The following PDPK1 variants were observed in gnomAD, a reference collection of about 807,000 sequenced individuals.
The protein encoded by PDPK1 is 3-phosphoinositide-dependent protein kinase 1.
A neutral mutation model predicts 39.8 loss-of-function variants in PDPK1; 7 were observed. The observed-to-expected ratio is 0.18, with a 90% CI of 0.10 to 0.33. The LOEUF (loss-of-function observed/expected upper bound fraction) is 0.33, where lower values mean the gene tolerates loss of function less well. PDPK1 is among the 10% of genes least tolerant of loss of function. The pLI is 1.00. For missense variants in PDPK1, 182 were observed against 384.7 expected (o/e 0.47, Z 4.41); for synonymous variants, 118 against 159.1 (o/e 0.74, Z 1.95).
chr16:2,601,642 G>GA lies in PDPK1; in HGVS notation c.*3882dup, dbSNP rs1263373800. The stretch of plus-strand genomic sequence containing the variant: ...ATCAGTAGCAGAGCAAAGCCTCTTT[G>GA]AAAAAAACCACGTAGCTGATTGGGT... On this transcript the variant is annotated 3_prime_UTR_variant, in exon 14 of 14. Transcript: ENST00000342085. The GA allele has an allele frequency of 3.0e-5, 7 of 233,120 alleles. No individual in the cohort carries two copies. The highest frequency in any genetic ancestry group is 1.2e-4 in the East Asian group (2 of 16,400). 14.4% of individuals were successfully genotyped at this position (233,120 alleles called of 1,614,324 possible). A position where few individuals can be genotyped will look rare whatever the true frequency, so the allele number is the denominator to read the frequency against.
intron 1 of PDPK1, chr16:2,539,029 G>A (rs2066192554): frequency 9.2e-6 from 2 of 216,320 alleles, no homozygotes; most frequent in Admixed American, 5.4e-5. Context: ...TATTTTAAAT[G>A]AAGGAAAACC....
intron 10 of PDPK1, among the ~76,000 whole-genome samples, chr16:2,585,923 TC>T (rs1302492667): frequency 6.6e-6 from 1 of 152,166 alleles, no homozygotes; most frequent in African/African-American, 2.4e-5. Flanking sequence ...ACCTTTTCTT[TC>T]CCCTTGTCCT....
chr16:2,550,263 C>G (rs2066389974), intron 1 of PDPK1, among the ~76,000 whole-genome samples: 1 of 149,264 alleles, frequency 6.7e-6, no homozygotes, highest in Admixed American at 6.9e-5. Context: ...TTATTTTAAA[C>G]AACAGCATTT....
rs1186191959 is a variant in PDPK1 at position 2,602,117 on chromosome 16, G to A, written c.*4350G>A. 5 of 234,564 alleles carry A rather than the reference G, an allele frequency of 2.1e-5. No individual in the cohort carries two copies. Among genetic ancestry groups the A allele is most frequent in the East Asian group, 1.2e-4 (2 of 16,562 alleles). The allele number at this position is 234,564 out of a possible 1,614,324, so 14.5% of individuals were successfully genotyped here. Reference sequence around the variant, plus strand: ...GAGATCGCAGCTGCTGTGAGAATACGGTGAAGGTACTTTGTTCTGGAAGAT... The same window carrying A: ...GAGATCGCAGCTGCTGTGAGAATACAGTGAAGGTACTTTGTTCTGGAAGAT... On this transcript the variant is annotated 3_prime_UTR_variant, in exon 14 of 14. Transcript: ENST00000342085.
chr16:2,538,631 A>G (rs1457308907), intron 1 of PDPK1: 4 of 1,288,936 alleles, frequency 3.1e-6, no homozygotes, highest in African/African-American at 3.0e-5. Flanking sequence ...TCTTGATGAC[A>G]GTGGTCGGGA....
At position 2,586,739 on chromosome 16, in the gene PDPK1, C is replaced by G. The variant is rs768924605; in HGVS notation, c.1189C>G (p.Leu397Val). The G allele has an allele frequency of 7.4e-6, 12 of 1,614,152 alleles. No individual in the cohort carries two copies. The African/African-American group carries it at 1.6e-4, about 22-fold the overall frequency. ...QVSSSSSSHS[L>V]SASDTGLPQR... is the part of the protein sequence containing the mutation. Reference sequence around the variant, plus strand: ...GTCTTCGTCCTCCTCCTCACACTCCCTGTCAGCCTCCGACACGGGCCTGCC... The same window carrying G: ...GTCTTCGTCCTCCTCCTCACACTCCGTGTCAGCCTCCGACACGGGCCTGCC... The change falls in exon 11 of 14, where the codon CTG becomes GTG. Residue 397 changes from leucine to valine, a missense_variant. By Grantham distance (32) the Leu-to-Val change is conservative. This residue lies in a region of PDPK1 where 90 missense variants were observed against 111.9 expected (regional missense o/e 0.80). Transcript: ENST00000342085.
intron 11 of PDPK1, among the ~76,000 whole-genome samples, chr16:2,594,913 A>C (rs923118840): frequency 6.6e-6 from 1 of 152,156 alleles, no homozygotes. Context: ...CAAGGTCAGG[A>C]GATCGAGACC....
chr16:2,552,026 G>T (rs894050241), intron 1 of PDPK1, among the ~76,000 whole-genome samples: 1 of 151,072 alleles, frequency 6.6e-6, no homozygotes, highest in East Asian at 1.9e-4. Context: ...AAGAGATGGG[G>T]TCTCACTGTG....
intron 11 of PDPK1, among the ~76,000 whole-genome samples, chr16:2,588,047 G>A (rs2066913353): frequency 6.6e-6 from 1 of 152,172 alleles, no homozygotes; most frequent in Non-Finnish European, 1.5e-5. Flanking sequence ...TTGAGGGCCT[G>A]GCTAGGCAGG....
rs1329496243 is a variant in PDPK1 at position 2,538,034 on chromosome 16, C to G, written c.-79C>G. The G allele has an allele frequency of 1.6e-6, 1 of 627,544 alleles. No individual in the cohort carries two copies. The highest frequency in any genetic ancestry group is 2.0e-6 in the Non-Finnish European group (1 of 496,658). 38.9% of individuals were successfully genotyped at this position (627,544 alleles called of 1,614,324 possible). ...ATGAGGGCGGCCATTGCTGGGGCTC[C>G]GCTTCGGGGAGGAGGACGCTGAGGA... is the stretch of plus-strand genomic sequence containing the variant. On this transcript the variant is annotated 5_prime_UTR_variant, in exon 1 of 14. Transcript: ENST00000342085.
intron 1 of PDPK1, among the ~76,000 whole-genome samples, chr16:2,545,624 A>G (rs2066328548): frequency 6.6e-6 from 1 of 151,734 alleles, no homozygotes; most frequent in Non-Finnish European, 1.5e-5. Flanking sequence ...CTTCATGAGT[A>G]GCTAGGATTA....
At chr16:2,538,982 C>T (rs1176989895) in intron 1 of PDPK1, 1 of 299,694 alleles carries the variant, frequency 3.3e-6, no homozygotes. Context: ...GATGGAAGAA[C>T]GTCTACATGG....
At position 2,597,071 on chromosome 16, in the gene PDPK1, G is replaced by T; in HGVS notation, c.1402-52G>T. ...CCGCCCAGCCCTCTAGGCTCCAGGAGATGCCGTCAGCACTGGCCTCTGAGG... is the reference window on the plus strand; with the variant it reads ...CCGCCCAGCCCTCTAGGCTCCAGGATATGCCGTCAGCACTGGCCTCTGAGG... On this transcript the variant is annotated intron_variant, in intron 12 of 13. Transcript: ENST00000342085. The surrounding 1 kb of genome is among the most constrained non-coding windows in gnomAD (Gnocchi z 6.3). The T allele has an allele frequency of 6.8e-7, 1 of 1,466,028 alleles. No homozygotes were observed. The allele number at this position is 1,466,028 out of a possible 1,614,324, so 90.8% of individuals were successfully genotyped here.
chr16:2,591,589 ACTC>A (rs972514254), intron 11 of PDPK1, among the ~76,000 whole-genome samples: 2 of 152,024 alleles, frequency 1.3e-5, no homozygotes, highest in Non-Finnish European at 2.9e-5. Context: ...GGCTGAGTAT[ACTC>A]CTCCCTTTTC....
At chr16:2,584,871 G>C (rs991279802) in intron 10 of PDPK1, among the ~76,000 whole-genome samples, 1 of 152,220 alleles carries the variant, frequency 6.6e-6, no homozygotes, top group Non-Finnish European at 1.5e-5. Context: ...AGAGGCCTGG[G>C]AGCCTCGAGG....
intron 11 of PDPK1, among the ~76,000 whole-genome samples, chr16:2,590,888 T>G (rs2066976069): frequency 6.6e-6 from 1 of 152,080 alleles, no homozygotes; most frequent in Non-Finnish European, 1.5e-5. Context: ...GCTGAAGCAT[T>G]CCTCTCGCTT....
intron 2 of PDPK1, among the ~76,000 whole-genome samples, chr16:2,560,471 T>TCTCA (rs2066585154): frequency 6.8e-6 from 1 of 147,372 alleles, no homozygotes; most frequent in South Asian, 2.1e-4. Context: ...CCACAAGGCG[T>TCTCA]CTCACATGGT....
intron 11 of PDPK1, chr16:2,592,742 G>A (rs1244044711): frequency 2.2e-6 from 1 of 454,154 alleles, no homozygotes; most frequent in Admixed American, 2.4e-5. Context: ...GTCGTGAGCT[G>A]GCAGGTGAAT....
At chr16:2,552,537 TG>T (rs2066434596) in intron 1 of PDPK1, among the ~76,000 whole-genome samples, 2 of 147,324 alleles carry the variant, frequency 1.4e-5, no homozygotes, top group East Asian at 4.0e-4. Flanking sequence ...GACCAGCACC[TG>T]GTGGTCCCAT....
Sources: gnomAD v4.1 joint callset for allele counts (sites outside exome capture counted in the v4.1 genomes callset) on GRCh38, gnomAD v4.1.1 for gene constraint, gnomAD v4.1.1 regional missense constraint, Gnocchi (gnomAD v3.1) non-coding constraint, MANE v1.5 for transcripts, NCBI Gene and HGNC (gene_info 2026-07-23, HGNC 2026-07-21) for gene names.